PRKCE: variants seen among roughly 807,000 people sequenced by gnomAD.
PRKCE encodes protein kinase C epsilon.
In PRKCE, 16 loss-of-function variants were observed where a neutral mutation model predicts 85.4. That is an observed-to-expected ratio of 0.19 (90% CI 0.13 to 0.28). PRKCE has a LOEUF of 0.28. PRKCE is among the 10% of genes least tolerant of loss of function. The probability of loss-of-function intolerance (pLI) is 1.00; values close to 1 mark genes in which losing one functional copy is unlikely to be tolerated. For missense variants in PRKCE, 573 were observed against 975.2 expected, an observed-to-expected ratio of 0.59 and a Z score of 5.49; for synonymous variants, 388 against 371.5, an observed-to-expected ratio of 1.04 and a Z score of -0.51.
At chr2:45,976,325 C>G in intron 2 of PRKCE, 104 bp from the exon 3 acceptor site, 1 of 1,374,222 alleles carries the variant, frequency 7.3e-7, no homozygotes, top group Non-Finnish European at 9.9e-7. Flanking sequence ...CTCACCCACC[C>G]CAGCTCCACT....
chr2:45,761,458 C>T (rs1037042312), intron 1 of PRKCE, among the ~76,000 whole-genome samples: 3 of 151,956 alleles, frequency 2.0e-5, no homozygotes, highest in Non-Finnish European at 4.4e-5. Flanking sequence ...GCTTTACCTA[C>T]AACACTTATG....
intron 1 of PRKCE, among the ~76,000 whole-genome samples, chr2:45,748,490 AG>A (rs1414685258): frequency 6.6e-6 from 1 of 152,226 alleles, no homozygotes; most frequent in East Asian, 1.9e-4. Context: ...CCTGGCAAGC[AG>A]GCCGCTGCCA....
At chr2:45,876,446 G>T (rs1315633600) in intron 2 of PRKCE, among the ~76,000 whole-genome samples, 2 of 152,170 alleles carry the variant, frequency 1.3e-5, no homozygotes, top group African/African-American at 4.8e-5. Context: ...CTTTGTATTT[G>T]TGTTTAAATT....
intron 2 of PRKCE, among the ~76,000 whole-genome samples, chr2:45,961,934 A>T (rs1701410315): frequency 6.6e-6 from 1 of 152,154 alleles, no homozygotes; most frequent in Non-Finnish European, 1.5e-5. Context: ...ACCTCAGGTG[A>T]TCCACCTGCC....
chr2:45,664,366 T>C (rs1292689041), intron 1 of PRKCE, among the ~76,000 whole-genome samples: 1 of 152,250 alleles, frequency 6.6e-6, no homozygotes, highest in Non-Finnish European at 1.5e-5. Context: ...AAAATGGGAA[T>C]AATAGCTACC....
At chr2:45,893,353 CTTTT>C (rs61708342) in intron 2 of PRKCE, among the ~76,000 whole-genome samples, 1 of 136,408 alleles carries the variant, frequency 7.3e-6, no homozygotes, top group Non-Finnish European at 1.6e-5. Context: ...CTTTTCTTTT[CTTTT>C]TTTTTTTTTT....
intron 1 of PRKCE, among the ~76,000 whole-genome samples, chr2:45,689,471 C>T (rs1677557454): frequency 6.6e-6 from 1 of 151,728 alleles, no homozygotes; most frequent in African/African-American, 2.4e-5. Flanking sequence ...AGTCTCTCCC[C>T]TTGTTAAAAA....
At chr2:46,009,705 A>C (rs1705497807) in intron 9 of PRKCE, among the ~76,000 whole-genome samples, 1 of 152,234 alleles carries the variant, frequency 6.6e-6, no homozygotes, top group Admixed American at 6.5e-5. Flanking sequence ...AAAAATACTC[A>C]ATGCAACTTA....
chr2:45,963,975 C>T (rs903092527), intron 2 of PRKCE, among the ~76,000 whole-genome samples: 2 of 152,134 alleles, frequency 1.3e-5, no homozygotes, highest in Admixed American at 6.5e-5. Flanking sequence ...CTTGTGACGT[C>T]GAAGGGTGTG....
At chr2:45,833,539 A>G (rs1690608762) in intron 1 of PRKCE, among the ~76,000 whole-genome samples, 1 of 152,212 alleles carries the variant, frequency 6.6e-6, no homozygotes, top group Admixed American at 6.5e-5. Flanking sequence ...GAATCCTCCC[A>G]ACACTCTGAA....
chr2:45,720,691 C>T (rs377630785), intron 1 of PRKCE, among the ~76,000 whole-genome samples: 1 of 152,158 alleles, frequency 6.6e-6, no homozygotes, highest in Non-Finnish European at 1.5e-5. Flanking sequence ...ATTATTCATG[C>T]AGGTGATAGT....
chr2:45,973,709 C>T (rs532649145), intron 2 of PRKCE, among the ~76,000 whole-genome samples: 8 of 152,304 alleles, frequency 5.3e-5, no homozygotes, highest in African/African-American at 1.7e-4. Context: ...AATTGGTTGC[C>T]ATATTGCCCT....
At position 46,082,253 on chromosome 2, in the gene PRKCE, G is replaced by A. The variant is rs114782191; in HGVS notation, c.1438-3955G>A. On this transcript the variant is annotated intron_variant, in intron 10 of 14. Coordinates refer to ENST00000306156, the MANE Select transcript of PRKCE (RefSeq NM_005400.3). ...AGAATCTAGACAAGGGATGATAGTT[G>A]CTTGGGCCATAATGGTGGGCATGAT... 2.9e-3 allele frequency among the ~76,000 whole-genome samples: 446 copies of A among 152,246 alleles called. 3 individuals are homozygous for A. The highest frequency in any genetic ancestry group is 0.01 in the African/African-American group (432 of 41,534).
At chr2:45,808,765 A>G (rs545582441) in intron 1 of PRKCE, among the ~76,000 whole-genome samples, 1 of 152,308 alleles carries the variant, frequency 6.6e-6, no homozygotes, top group African/African-American at 2.4e-5. Flanking sequence ...CCAGTCTCAG[A>G]TGGGGAATCT....
At chr2:46,104,328 T>C (rs1197967340) in intron 11 of PRKCE, among the ~76,000 whole-genome samples, 1 of 140,038 alleles carries the variant, frequency 7.1e-6, no homozygotes, top group Non-Finnish European at 1.5e-5. Flanking sequence ...ATATCTGCAA[T>C]CTCTTTCATG....
At chr2:46,105,040 G>A (rs547444878) in intron 11 of PRKCE, among the ~76,000 whole-genome samples, 1 of 150,366 alleles carries the variant, frequency 6.7e-6, no homozygotes, top group East Asian at 2.0e-4. Flanking sequence ...CCCCAGAATA[G>A]AGCACTTTTG....
At chr2:46,018,982 G>A (rs1048787309) in intron 10 of PRKCE, among the ~76,000 whole-genome samples, 8 of 152,210 alleles carry the variant, frequency 5.3e-5, no homozygotes, top group African/African-American at 1.7e-4. Context: ...ATGGTGCTGC[G>A]CTCTCTGCAG....
intron 11 of PRKCE, among the ~76,000 whole-genome samples, chr2:46,090,417 C>T (rs191714652): frequency 2.0e-5 from 3 of 152,188 alleles, no homozygotes; most frequent in Admixed American, 2.0e-4. Flanking sequence ...TTCCCTCTGC[C>T]ACCCTTGGGT....
At chr2:45,785,098 ATAT>A (rs1425399246) in intron 1 of PRKCE, among the ~76,000 whole-genome samples, 1 of 152,220 alleles carries the variant, frequency 6.6e-6, no homozygotes, top group Non-Finnish European at 1.5e-5. Flanking sequence ...CCTTAGCATG[ATAT>A]TATTTCATTT....
Sources: gnomAD v4.1 joint callset for allele counts (sites outside exome capture counted in the v4.1 genomes callset) on GRCh38, gnomAD v4.1.1 for gene constraint, MANE v1.5 for transcripts, NCBI Gene and HGNC (gene_info 2026-07-23, HGNC 2026-07-21) for gene names.